Variants in MAGI3 observed in about 807,000 individuals in gnomAD.
MAGI3 encodes the protein membrane-associated guanylate kinase, WW and PDZ domain-containing protein 3.
In MAGI3, 43 loss-of-function variants were observed where a neutral mutation model predicts 121.8. The observed-to-expected ratio is 0.35, with a 90% CI of 0.28 to 0.46. The LOEUF is 0.46. Among genes scored for constraint, MAGI3 ranks in the 20% least tolerant of loss-of-function variants. The probability of loss-of-function intolerance (pLI) is 1.00; values close to 1 mark genes in which losing one functional copy is unlikely to be tolerated. For missense variants in MAGI3, 1,547 were observed against 1,797.3 expected, an observed-to-expected ratio of 0.86 and a Z score of 2.52; for synonymous variants, 553 against 639.3, an observed-to-expected ratio of 0.86 and a Z score of 2.04.
At chr1:113,681,459 C>A in intron 20 of MAGI3, 123 bp downstream of exon 20, 4 of 1,033,656 alleles carry the variant, frequency 3.9e-6, no homozygotes, top group South Asian at 2.0e-5. Context: ...AATGCTAGAA[C>A]CATGAAAAGC....
chr1:113,472,204 GTT>G (rs752606893), intron 1 of MAGI3, among the ~76,000 whole-genome samples: 1 of 137,786 alleles, frequency 7.3e-6, no homozygotes. Flanking sequence ...GATAGATCTT[GTT>G]TTTTTTTTTT....
intron 1 of MAGI3, among the ~76,000 whole-genome samples, chr1:113,463,870 CT>C (rs1326836080): frequency 1.3e-5 from 2 of 151,966 alleles, no homozygotes; most frequent in African/African-American, 4.8e-5. Context: ...CTCCTTTTCT[CT>C]TTTATGGATG....
At chr1:113,528,547 A>T (rs1231030676) in intron 1 of MAGI3, among the ~76,000 whole-genome samples, 1 of 152,152 alleles carries the variant, frequency 6.6e-6, no homozygotes, top group African/African-American at 2.4e-5. Context: ...AATAAGTTTG[A>T]TCTTTTCTGT....
chr1:113,515,074 T>C (rs1657819524), intron 1 of MAGI3, among the ~76,000 whole-genome samples: 1 of 152,148 alleles, frequency 6.6e-6, no homozygotes, highest in South Asian at 2.1e-4. Context: ...TTTTGGTTTC[T>C]GAATAAAAGT....
intron 1 of MAGI3, among the ~76,000 whole-genome samples, chr1:113,442,590 T>A (rs1653970823): frequency 6.6e-6 from 1 of 151,860 alleles, no homozygotes; most frequent in African/African-American, 2.4e-5. Flanking sequence ...TTCATATATA[T>A]ATAACGTACA....
intron 1 of MAGI3, among the ~76,000 whole-genome samples, chr1:113,416,187 A>ATTTAATTAATGACACAT (rs769035340): frequency 1.0e-4 from 4 of 38,736 alleles, no homozygotes; most frequent in South Asian, 1.7e-3. Flanking sequence ...GACACATATT[A>ATTTAATTAATGACACAT]ATTATGTAAT....
chr1:113,556,166 TAA>T (rs1452501040), intron 2 of MAGI3, among the ~76,000 whole-genome samples: 1 of 151,982 alleles, frequency 6.6e-6, no homozygotes, highest in African/African-American at 2.4e-5. Flanking sequence ...TTGAGAATCT[TAA>T]AAAGAAGGAG....
chr1:113,620,249 A>G (rs192021118), intron 8 of MAGI3, among the ~76,000 whole-genome samples: 1 of 152,334 alleles, frequency 6.6e-6, no homozygotes, highest in Non-Finnish European at 1.5e-5. Flanking sequence ...ATATCAAATG[A>G]TTTACCTACA....
rs1374947813 is a variant in MAGI3, at chr1:113,391,488, GA to G, written c.316+140del. 5 of 971,638 alleles carry G rather than the reference GA, an allele frequency of 5.1e-6. No homozygotes were observed. The Admixed American group carries it at 1.2e-4, about 23-fold the overall frequency. 60.2% of individuals were successfully genotyped at this position (971,638 alleles called of 1,614,324 possible). ...TCTAGGGTGTGCCAGACTCCTTGAC[GA>G]GGGGGAGGGGTGGCGTTGGTGAGTC... On this transcript the variant is annotated intron_variant, in intron 1 of 20. Coordinates refer to ENST00000307546, the MANE Select transcript of MAGI3 (RefSeq NM_001142782.2). This position sits in a 1 kb window ranked among gnomAD's most constrained non-coding sequence, Gnocchi z 4.4.
chr1:113,411,737 A>G (rs1441856114), intron 1 of MAGI3, among the ~76,000 whole-genome samples: 1 of 151,848 alleles, frequency 6.6e-6, no homozygotes, highest in African/African-American at 2.4e-5. Context: ...TTTTTCTATA[A>G]AAGTGAACTT....
chr1:113,435,913 A>G lies in MAGI3; in HGVS notation c.316+44564A>G, dbSNP rs138795760. On this transcript the variant is annotated intron_variant, in intron 1 of 20. Transcript: ENST00000307546. ...GAGGCTGTAGCTCTTTCATAAATGA[A>G]AGATTTTTAAAGGTACTTATAGCAT... 1.2e-3 allele frequency among the ~76,000 whole-genome samples: 190 copies of G among 152,254 alleles called. 2 individuals are homozygous for G. The highest frequency in any genetic ancestry group is 4.4e-3 in the African/African-American group (183 of 41,574).
chr1:113,574,103 G>A (rs868537285), intron 2 of MAGI3, among the ~76,000 whole-genome samples: 4 of 151,898 alleles, frequency 2.6e-5, no homozygotes, highest in African/African-American at 9.7e-5. Context: ...CATGAGATGG[G>A]TCTCCTGAAT....
intron 2 of MAGI3, among the ~76,000 whole-genome samples, chr1:113,554,696 G>A (rs1359140437): frequency 1.3e-5 from 2 of 152,024 alleles, no homozygotes; most frequent in Non-Finnish European, 2.9e-5. Context: ...AAAAGAAATA[G>A]TGACTGAAAT....
chr1:113,561,765 G>A (rs1016755352), intron 2 of MAGI3, among the ~76,000 whole-genome samples: 3 of 152,038 alleles, frequency 2.0e-5, no homozygotes, highest in East Asian at 3.9e-4. Context: ...TCTGACCAGG[G>A]CGATCAAGAA....
chr1:113,558,140 C>T (rs182427325), intron 2 of MAGI3, among the ~76,000 whole-genome samples: 169 of 152,254 alleles, frequency 1.1e-3, no homozygotes, highest in African/African-American at 3.8e-3. Context: ...ACTCAAAAAG[C>T]TAGGGTACCC....
At chr1:113,581,381 C>G (rs1165768345) in intron 3 of MAGI3, among the ~76,000 whole-genome samples, 15 of 152,082 alleles carry the variant, frequency 9.9e-5, no homozygotes, top group Non-Finnish European at 2.2e-4. Flanking sequence ...AAATATCTAA[C>G]CTGGAATTCA....
intron 1 of MAGI3, among the ~76,000 whole-genome samples, chr1:113,487,028 C>T (rs145928645): frequency 9.2e-5 from 14 of 152,118 alleles, no homozygotes; most frequent in East Asian, 5.8e-4. Context: ...TCTTGAGGTA[C>T]GAATTAGGGG....
At chr1:113,668,834 A>G (rs1015670090) in intron 16 of MAGI3, among the ~76,000 whole-genome samples, 7 of 152,118 alleles carry the variant, frequency 4.6e-5, no homozygotes, top group East Asian at 1.9e-4. Flanking sequence ...CACCCGCCTC[A>G]GCCTCCCAAA....
intron 3 of MAGI3, among the ~76,000 whole-genome samples, chr1:113,584,572 T>C (rs1466743938): frequency 6.6e-6 from 1 of 152,210 alleles, no homozygotes; most frequent in Non-Finnish European, 1.5e-5. Flanking sequence ...TTTTATATGA[T>C]CTGGTTAGTT....
Sources: allele counts gnomAD v4.1 joint callset (sites outside exome capture counted in the v4.1 genomes callset), GRCh38; gene constraint gnomAD v4.1.1; non-coding constraint Gnocchi (gnomAD v3.1); transcripts MANE v1.5; gene names NCBI Gene and HGNC (gene_info 2026-07-23, HGNC 2026-07-21).